CP: variants seen among roughly 807,000 people sequenced by gnomAD.
The protein encoded by CP is ceruloplasmin.
A neutral mutation model predicts 122.4 loss-of-function variants in CP; 64 were observed. The ratio of observed to expected loss-of-function variants is 0.52; its 90% CI spans 0.43 to 0.64. CP has a LOEUF of 0.64. Ranked by LOEUF, CP falls within the 30% of genes least tolerant of loss-of-function variation. The pLI is 0.00. For missense variants in CP, 1,167 were observed against 1,284.4 expected (o/e 0.91, Z 1.40); for synonymous variants, 440 against 436.4 (o/e 1.01, Z -0.10).
At chr3:149,176,202 G>A (rs1725404331) in intron 18 of CP, 48 bp downstream of exon 18, 1 of 1,569,348 alleles carries the variant, frequency 6.4e-7, no homozygotes, top group African/African-American at 1.4e-5. Context: ...AGTTCCTTTA[G>A]TTATATCTTT....
intron 6 of CP, among the ~76,000 whole-genome samples, chr3:149,203,131 C>T (rs1009520662): frequency 1.3e-5 from 2 of 152,270 alleles, no homozygotes; most frequent in Non-Finnish European, 2.9e-5. Context: ...TGGTCTCGAT[C>T]TCCTGACCTC....
chr3:149,187,933 G>T, intron 10 of CP, 119 bp downstream of exon 10: 1 of 1,066,336 alleles, frequency 9.4e-7, no homozygotes, highest in Non-Finnish European at 1.4e-6. Context: ...GGACACTATT[G>T]TAATCGTTTA....
chr3:149,187,029 G>A (rs1479474578), intron 10 of CP, among the ~76,000 whole-genome samples: 1 of 152,010 alleles, frequency 6.6e-6, no homozygotes, highest in African/African-American at 2.4e-5. Context: ...GTTATTTCCA[G>A]TTCTTTAAGT....
chr3:149,216,084 G>A (rs1214547900), intron 1 of CP, among the ~76,000 whole-genome samples: 1 of 152,182 alleles, frequency 6.6e-6, no homozygotes, highest in Non-Finnish European at 1.5e-5. Context: ...TATTATAGGT[G>A]AAAAGTTTCT....
At chr3:149,201,368 G>A (rs1021796220) in intron 7 of CP, among the ~76,000 whole-genome samples, 2 of 151,828 alleles carry the variant, frequency 1.3e-5, no homozygotes, top group South Asian at 2.1e-4. Context: ...TGATCCGCCC[G>A]CCTCGGCCTC....
At position 149,206,250 on chromosome 3, in the gene CP, T is replaced by G. The variant is rs371311742; in HGVS notation, c.1126A>C (p.Ile376Leu). 2 of 1,614,020 alleles carry G rather than the reference T, an allele frequency of 1.2e-6. No homozygotes were observed. The highest frequency in any genetic ancestry group is 1.7e-6 in the Non-Finnish European group (2 of 1,179,894). Residue 376 changes from isoleucine to leucine, a missense_variant, in exon 6 of 19, where the codon ATT (isoleucine) becomes CTT (leucine). Physicochemically the swap from Ile to Leu is conservative, Grantham distance 5. Transcript: ENST00000264613. ...IRGKHVRHYY[I>L]AAEEIIWNYA... ...TTCCAGATGATTTCCTCAGCGGCAA[T>G]GTAGTAGTGTCTAACATGCTTCCCA... is the stretch of plus-strand genomic sequence containing the variant.
chr3:149,216,186 C>G (rs1385263912), intron 1 of CP, among the ~76,000 whole-genome samples: 1 of 152,150 alleles, frequency 6.6e-6, no homozygotes, highest in Admixed American at 6.5e-5. Context: ...CATTTATAAT[C>G]TCACTATTCT....
At chr3:149,206,086 T>C in intron 6 of CP, 82 bp downstream of exon 6, 1 of 1,345,112 alleles carries the variant, frequency 7.4e-7, no homozygotes, top group East Asian at 2.3e-5. Context: ...AATTAAAATT[T>C]TAATTGCTGA....
intron 9 of CP, among the ~76,000 whole-genome samples, chr3:149,188,596 TG>T (rs145483274): frequency 0.051 from 7,696 of 150,506 alleles, 632 homozygotes; most frequent in African/African-American, 0.18. Context: ...GAAGAATTCC[TG>T]TAAGGCAGAG....
intron 9 of CP, among the ~76,000 whole-genome samples, chr3:149,192,260 C>T (rs1726588646): frequency 6.6e-6 from 1 of 151,826 alleles, no homozygotes. Context: ...TTAAGATTTA[C>T]AATATGTTAA....
At chr3:149,179,834 A>G (rs1725665503) in intron 14 of CP, 172 bp from the exon 15 acceptor site, 1 of 586,290 alleles carries the variant, frequency 1.7e-6, no homozygotes, top group African/African-American at 2.0e-5. Flanking sequence ...GTTTTCAGGA[A>G]TTTAGTTTTA....
rs1344668628 is a variant in CP, at chr3:149,202,100, A to G, written c.1348+2T>C. The G allele has an allele frequency of 1.2e-6, 2 of 1,613,920 alleles. No homozygotes were observed. On this transcript the variant is annotated splice_donor_variant, in intron 7 of 18. Coordinates refer to ENST00000264613, the MANE Select transcript of CP (RefSeq NM_000096.4). LOFTEE classifies it high-confidence loss of function. ...AGCCATATATATTCTGCAAGAACTCACCCAGGATGCCAAGATGCTCTTCTT... is the reference window on the plus strand; with the variant it reads ...AGCCATATATATTCTGCAAGAACTCGCCCAGGATGCCAAGATGCTCTTCTT...
intron 9 of CP, among the ~76,000 whole-genome samples, chr3:149,193,464 ATGTT>A (rs1726677847): frequency 6.6e-6 from 1 of 152,210 alleles, no homozygotes; most frequent in South Asian, 2.1e-4. Context: ...TAATCATAAT[ATGTT>A]TAAGTGTATA....
intron 1 of CP, among the ~76,000 whole-genome samples, chr3:149,214,863 T>A (rs767478209): frequency 1.3e-5 from 2 of 152,162 alleles, no homozygotes; most frequent in Non-Finnish European, 2.9e-5. Context: ...AGTCATTCAG[T>A]CCATATGACT....
At chr3:149,199,165 A>G (rs562362045) in intron 8 of CP, among the ~76,000 whole-genome samples, 1 of 152,346 alleles carries the variant, frequency 6.6e-6, no homozygotes, top group East Asian at 1.9e-4. Flanking sequence ...AATATTTTAT[A>G]TCATTAAAAT....
chr3:149,213,247 T>A (rs1286349866), intron 1 of CP, among the ~76,000 whole-genome samples: 1 of 152,220 alleles, frequency 6.6e-6, no homozygotes, highest in Non-Finnish European at 1.5e-5. Flanking sequence ...AAGCTAGAGT[T>A]GTTGATGCAT....
At chr3:149,171,519 C>T (rs1214555616), downstream of CP, among the ~76,000 whole-genome samples, 1 of 151,910 alleles carries the variant, frequency 6.6e-6, no homozygotes, top group Non-Finnish European at 1.5e-5. Context: ...AAATTGATTG[C>T]AAAATAATAT....
At chr3:149,209,597 T>C (rs1727971449) in intron 3 of CP, among the ~76,000 whole-genome samples, 1 of 152,210 alleles carries the variant, frequency 6.6e-6, no homozygotes, top group African/African-American at 2.4e-5. Context: ...TGTGTCTGGA[T>C]GTCCACTGAC....
chr3:149,220,566 T>A (rs1042862937), intron 1 of CP, among the ~76,000 whole-genome samples: 2 of 152,108 alleles, frequency 1.3e-5, no homozygotes, highest in African/African-American at 2.4e-5. Context: ...TTCTTTATTG[T>A]ATATTATTAA....
Sources: allele counts gnomAD v4.1 joint callset (sites outside exome capture counted in the v4.1 genomes callset), GRCh38; gene constraint gnomAD v4.1.1; transcripts MANE v1.5; gene names NCBI Gene and HGNC (gene_info 2026-07-23, HGNC 2026-07-21).